The following NRXN3 variants were observed in gnomAD, a reference collection of about 807,000 sequenced individuals.
NRXN3 encodes neurexin 3, also known as neurexin III.
NRXN3 carries 32 observed loss-of-function variants against 137.6 expected under a neutral mutation model. The observed-to-expected ratio is 0.23, with a 90% confidence interval of 0.18 to 0.31. The LOEUF is 0.31. Among genes scored for constraint, NRXN3 ranks in the 10% least tolerant of loss-of-function variants. The pLI, the probability that NRXN3 is intolerant of heterozygous loss-of-function variation, is 1.00. For missense variants in NRXN3, 1,574 were observed against 2,062.5 expected, an observed-to-expected ratio of 0.76 and a Z score of 4.59; for synonymous variants, 798 against 784.5, an observed-to-expected ratio of 1.02 and a Z score of -0.29.
intron 3 of NRXN3, among the ~76,000 whole-genome samples, chr14:78,290,528 A>C (rs772853542): frequency 2.0e-5 from 3 of 152,154 alleles, no homozygotes; most frequent in Non-Finnish European, 2.9e-5. Context: ...ACTACTCAGG[A>C]GGCTGAGGTG....
intron 15 of NRXN3, among the ~76,000 whole-genome samples, chr14:79,150,951 A>T (rs1363001913): frequency 1.3e-5 from 2 of 152,050 alleles, no homozygotes; most frequent in Admixed American, 6.6e-5. Context: ...GCCTGCATAC[A>T]CAAAATTAAA....
intron 4 of NRXN3, among the ~76,000 whole-genome samples, chr14:78,397,789 A>C (rs2091629008): frequency 6.6e-6 from 1 of 151,508 alleles, no homozygotes; most frequent in Non-Finnish European, 1.5e-5. Context: ...TTTTTAGTAG[A>C]GACAGGGTTT....
intron 3 of NRXN3, 73 bp downstream of exon 3, chr14:78,278,735 T>G: frequency 7.7e-7 from 1 of 1,306,292 alleles, no homozygotes; most frequent in Non-Finnish European, 1.1e-6. Flanking sequence ...TGAGTCTGAG[T>G]GAGACTTTTA....
intron 8 of NRXN3, among the ~76,000 whole-genome samples, chr14:78,777,568 A>T (rs2098748563): frequency 6.6e-6 from 1 of 151,994 alleles, no homozygotes; most frequent in Non-Finnish European, 1.5e-5. Flanking sequence ...CTGAGGCTAG[A>T]CTCTTTATTC....
intron 20 of NRXN3, among the ~76,000 whole-genome samples, chr14:79,825,435 C>T (rs1019484426): frequency 1.2e-4 from 19 of 152,134 alleles, no homozygotes; most frequent in African/African-American, 3.6e-4. Flanking sequence ...TGAGTAGCCA[C>T]GTTGACCCTA....
intron 10 of NRXN3, among the ~76,000 whole-genome samples, chr14:78,829,819 A>C (rs1413873566): frequency 1.3e-5 from 2 of 152,176 alleles, no homozygotes; most frequent in Non-Finnish European, 2.9e-5. Context: ...CCTTTGCCTC[A>C]GTTAAGTAGA....
At chr14:79,860,903 G>C in intron 20 of NRXN3, 1 of 555,614 alleles carries the variant, frequency 1.8e-6, no homozygotes, top group Admixed American at 3.8e-5. Flanking sequence ...AATCTGCCTA[G>C]AATGATTAGA....
chr14:78,532,690 G>A (rs1167867007), intron 4 of NRXN3, among the ~76,000 whole-genome samples: 1 of 151,128 alleles, frequency 6.6e-6, no homozygotes, highest in African/African-American at 2.4e-5. Flanking sequence ...TCCTTTCTTT[G>A]ACGCCACATC....
At chr14:78,604,446 C>A (rs2097230262) in intron 4 of NRXN3, among the ~76,000 whole-genome samples, 1 of 152,000 alleles carries the variant, frequency 6.6e-6, no homozygotes, top group South Asian at 2.1e-4. Flanking sequence ...GAAAAAAGAA[C>A]CTCCTAACCA....
chr14:78,478,178 G>C (rs1213283557), intron 4 of NRXN3, among the ~76,000 whole-genome samples: 1 of 152,170 alleles, frequency 6.6e-6, no homozygotes, highest in Non-Finnish European at 1.5e-5. Context: ...GAAGTATGAT[G>C]TCTGTCCTTA....
chr14:78,180,994 G>A (rs572877459), intron 1 of NRXN3, among the ~76,000 whole-genome samples: 26 of 152,274 alleles, frequency 1.7e-4, no homozygotes, highest in African/African-American at 6.3e-4. Context: ...GCCTGTCCTC[G>A]GTGTATTTTA....
chr14:79,063,661 G>A (rs552920648), intron 15 of NRXN3, among the ~76,000 whole-genome samples: 15 of 152,220 alleles, frequency 9.9e-5, no homozygotes, highest in African/African-American at 2.2e-4. Context: ...CTATGGTGAC[G>A]AAGCGATGTG....
intron 16 of NRXN3, among the ~76,000 whole-genome samples, chr14:79,558,999 TA>T (rs1438505389): frequency 1.3e-5 from 2 of 152,156 alleles, no homozygotes; most frequent in African/African-American, 4.8e-5. Flanking sequence ...TTTTTTTTCC[TA>T]CAGCTTCCTC....
At chr14:79,525,269 A>G (rs1241044732) in intron 16 of NRXN3, among the ~76,000 whole-genome samples, 1 of 152,140 alleles carries the variant, frequency 6.6e-6, no homozygotes, top group East Asian at 1.9e-4. Context: ...GTTTCCAGGT[A>G]TATTTTTTAA....
chr14:78,966,125 T>C lies in NRXN3; in HGVS notation c.2496T>C (p.Ile832=). 6.2e-7 allele frequency: 1 copy of C among 1,614,192 alleles called. No homozygotes were observed. Among genetic ancestry groups the C allele is most frequent in the Non-Finnish European group, 8.5e-7 (1 of 1,180,028 alleles). The change falls in exon 12 of 21, where the codon ATT becomes ATC. Residue 832 remains isoleucine, a synonymous_variant. Transcript: ENST00000335750. ...RYISVVPSSF[I]GHLQSLMFNG... ...TCTCCGTTGTCCCCTCCAGCTTTATTGGCCATCTGCAGAGCCTCATGTTTA... is the reference window on the plus strand; with the variant it reads ...TCTCCGTTGTCCCCTCCAGCTTTATCGGCCATCTGCAGAGCCTCATGTTTA...
At chr14:78,372,903 G>A (rs552040552) in intron 4 of NRXN3, among the ~76,000 whole-genome samples, 1 of 152,220 alleles carries the variant, frequency 6.6e-6, no homozygotes, top group African/African-American at 2.4e-5. Flanking sequence ...ATCATAACAC[G>A]GTAGACATTA....
chr14:78,802,439 C>T (rs908074861), intron 8 of NRXN3, among the ~76,000 whole-genome samples: 12 of 152,046 alleles, frequency 7.9e-5, no homozygotes, highest in East Asian at 1.9e-4. Flanking sequence ...TGTTAAATGA[C>T]GAGTCAATGG....
rs993906824 is a variant in NRXN3 at position 79,172,538 on chromosome 14, T to C, written c.3262+184397T>C. Among the ~76,000 whole-genome samples, 17 of 152,260 alleles carry C rather than the reference T, an allele frequency of 1.1e-4. 1 individual carries two copies. In the South Asian group the frequency reaches 2.5e-3, roughly 22 times the overall value. ...CTAAATATTGGCAAATCACAATAGA[T>C]AGCAAAAATCTAAAATACCTAGGAG... On this transcript the variant is annotated intron_variant, in intron 15 of 20. Coordinates refer to ENST00000335750, the MANE Select transcript of NRXN3 (RefSeq NM_001330195.2).
At chr14:78,952,382 C>T (rs1176153087) in intron 10 of NRXN3, among the ~76,000 whole-genome samples, 1 of 152,126 alleles carries the variant, frequency 6.6e-6, no homozygotes, top group Non-Finnish European at 1.5e-5. Flanking sequence ...CATAAAACGC[C>T]TTTTTCCTAC....
Sources: gnomAD v4.1 joint callset for allele counts (sites outside exome capture counted in the v4.1 genomes callset) on GRCh38, gnomAD v4.1.1 for gene constraint, MANE v1.5 for transcripts, NCBI Gene and HGNC (gene_info 2026-07-23, HGNC 2026-07-21) for gene names.